Variants in LRRC7 observed in about 807,000 individuals in gnomAD.
LRRC7 encodes leucine rich repeat containing 7, also known as leucine-rich repeat-containing protein 7.
A neutral mutation model predicts 175.7 loss-of-function variants in LRRC7; 23 were observed. The ratio of observed to expected loss-of-function variants is 0.13; its 90% CI spans 0.09 to 0.19. The LOEUF is 0.19. Ranked by LOEUF, LRRC7 falls within the 10% of genes least tolerant of loss-of-function variation. The pLI is 1.00. For synonymous variants in LRRC7, 685 were observed against 680.9 expected (o/e 1.01, Z -0.09); for missense variants, 1,354 against 1,904.7 (o/e 0.71, Z 5.38).
intron 23 of LRRC7, among the ~76,000 whole-genome samples, chr1:70,072,195 T>C (rs574399876): frequency 1.4e-4 from 21 of 152,308 alleles, no homozygotes; most frequent in African/African-American, 3.8e-4. Context: ...CAAACAAATG[T>C]CAAATTTTCT....
intron 2 of LRRC7, among the ~76,000 whole-genome samples, chr1:69,717,968 AG>A (rs1665792990): frequency 9.0e-6 from 1 of 111,014 alleles, no homozygotes; most frequent in Non-Finnish European, 1.9e-5. Context: ...AGAAAAAGAA[AG>A]AAAGAGAAAG....
intron 1 of LRRC7, among the ~76,000 whole-genome samples, chr1:69,622,585 C>T (rs548203595): frequency 1.1e-4 from 17 of 152,094 alleles, no homozygotes; most frequent in East Asian, 1.9e-4. Flanking sequence ...CTGGCTCTTG[C>T]GAAAACACAA....
At chr1:69,784,773 T>G (rs1046115657) in intron 3 of LRRC7, among the ~76,000 whole-genome samples, 1 of 152,228 alleles carries the variant, frequency 6.6e-6, no homozygotes, top group African/African-American at 2.4e-5. Flanking sequence ...TTTTATTATT[T>G]AATTGTTTTG....
intron 1 of LRRC7, among the ~76,000 whole-genome samples, chr1:69,596,205 T>C (rs1306854695): frequency 6.6e-6 from 1 of 152,114 alleles, no homozygotes; most frequent in Non-Finnish European, 1.5e-5. Flanking sequence ...TCTCCTTTGC[T>C]CTTTGCAGCA....
At position 69,604,091 on chromosome 1, in the gene LRRC7, C is replaced by T. The variant is rs1179159096; in HGVS notation, c.2+35450C>T. ...TTTTAAGATTTTGTTTCCTTTTCTT[C>T]GGACCTGGGGAAATGATTTGTATGC... On this transcript the variant is annotated intron_variant, in intron 1 of 26. Coordinates refer to ENST00000651989, the MANE Select transcript of LRRC7 (RefSeq NM_001370785.2). Among the ~76,000 whole-genome samples the T allele has an allele frequency of 3.9e-5, 6 of 152,062 alleles. No individual in the cohort carries two copies. In the East Asian group the frequency reaches 7.7e-4, roughly 20 times the overall value.
intron 7 of LRRC7, among the ~76,000 whole-genome samples, chr1:69,891,956 G>A (rs1645847874): frequency 7.0e-6 from 1 of 142,936 alleles, no homozygotes; most frequent in African/African-American, 2.5e-5. Context: ...AATGACACGT[G>A]CCTGTATTCT....
chr1:69,663,717 T>G (rs1657842453), intron 1 of LRRC7, among the ~76,000 whole-genome samples: 1 of 128,352 alleles, frequency 7.8e-6, no homozygotes, highest in Non-Finnish European at 1.6e-5. Flanking sequence ...TTTTTTTTTT[T>G]TTTTTTTTTT....
At chr1:69,944,679 G>T (rs1054723512) in intron 8 of LRRC7, among the ~76,000 whole-genome samples, 10 of 149,906 alleles carry the variant, frequency 6.7e-5, no homozygotes, top group East Asian at 3.9e-4. Context: ...TATTATTTTG[G>T]TTTTTTTTTC....
At chr1:69,955,084 C>G (rs1359510448) in intron 8 of LRRC7, among the ~76,000 whole-genome samples, 1 of 152,054 alleles carries the variant, frequency 6.6e-6, no homozygotes, top group Non-Finnish European at 1.5e-5. Context: ...TTGCTTTGTT[C>G]TCTGTTATAT....
At chr1:69,781,681 A>G (rs565264950) in intron 3 of LRRC7, among the ~76,000 whole-genome samples, 28 of 100,388 alleles carry the variant, frequency 2.8e-4, no homozygotes, top group African/African-American at 1.0e-3. Context: ...GACTGTCTCA[A>G]AAAAAAGAAG....
intron 25 of LRRC7, among the ~76,000 whole-genome samples, chr1:70,096,733 T>C (rs771191512): frequency 2.6e-5 from 4 of 152,062 alleles, no homozygotes; most frequent in Non-Finnish European, 5.9e-5. Context: ...ACCCATGATA[T>C]GTTCGAGTTT....
chr1:69,730,748 T>G (rs1667480956), intron 2 of LRRC7, among the ~76,000 whole-genome samples: 1 of 152,170 alleles, frequency 6.6e-6, no homozygotes, highest in African/African-American at 2.4e-5. Flanking sequence ...CAAAGTAGCT[T>G]CCACATTTTC....
chr1:70,021,104 A>T lies in LRRC7; in HGVS notation c.1520A>T (p.Asp507Val). 1 of 1,612,326 alleles carries T rather than the reference A, an allele frequency of 6.2e-7. No homozygotes were observed. Among genetic ancestry groups the T allele is most frequent in the South Asian group, 1.1e-5 (1 of 90,966 alleles). The part of the protein sequence containing the change: ...VAFEFEDKKE[D>V]DENAGKVKDL... ...TTTGAATTTGAAGACAAAAAAGAAG[A>T]TGACGAAAATGCTGGGAAAGTTAAG... Residue 507 changes from aspartate (D) to valine (V), a missense_variant, in exon 16 of 27, where the codon GAT (aspartate) becomes GTT (valine). Physicochemically the swap from Asp to Val is radical, Grantham distance 152. Around this residue, in one of 4 missense-constraint regions of LRRC7, gnomAD observed 1,032 missense variants for 1,227.2 expected, o/e 0.84. Coordinates refer to ENST00000651989, the MANE Select transcript of LRRC7 (RefSeq NM_001370785.2).
intron 1 of LRRC7, among the ~76,000 whole-genome samples, chr1:69,650,704 T>C (rs889202982): frequency 7.5e-6 from 1 of 133,270 alleles, no homozygotes; most frequent in Non-Finnish European, 1.6e-5. Context: ...TTAGTGTTTT[T>C]AGCCATAGCT....
intron 7 of LRRC7, among the ~76,000 whole-genome samples, chr1:69,914,807 A>C (rs75697280): frequency 1.3e-5 from 2 of 152,182 alleles, no homozygotes; most frequent in East Asian, 3.9e-4. Flanking sequence ...ATTTGTTAAC[A>C]TATCGTGTAA....
intron 1 of LRRC7, among the ~76,000 whole-genome samples, chr1:69,639,650 T>G (rs1653909819): frequency 6.6e-6 from 1 of 151,748 alleles, no homozygotes; most frequent in African/African-American, 2.4e-5. Context: ...AGGAGTTAGA[T>G]CAAATATCCA....
intron 1 of LRRC7, among the ~76,000 whole-genome samples, chr1:69,618,657 G>C (rs1024679332): frequency 6.6e-6 from 1 of 152,062 alleles, no homozygotes; most frequent in Non-Finnish European, 1.5e-5. Flanking sequence ...TATCATTTCT[G>C]CTAATGAAAC....
Position 69,974,483 on chromosome 1 carries a change from A to T in LRRC7, c.712-5896A>T, listed in dbSNP as rs77787937. On this transcript the variant is annotated intron_variant, in intron 8 of 26. Coordinates refer to ENST00000651989, the MANE Select transcript of LRRC7 (RefSeq NM_001370785.2). Reference sequence around the variant, plus strand: ...GTGCTCATCTTATAGCACTTTCACTAGCATTGAATATTCCAAGTTATTCTG... The same window carrying T: ...GTGCTCATCTTATAGCACTTTCACTTGCATTGAATATTCCAAGTTATTCTG... Among the ~76,000 whole-genome samples the T allele has an allele frequency of 2.1e-3, 326 of 152,358 alleles. 3 individuals are homozygous for T. The highest frequency in any genetic ancestry group is 2.9e-3 in the Non-Finnish European group (195 of 68,020).
At position 70,134,625 on chromosome 1, in the gene LRRC7, C is replaced by CA. The variant is rs902559708; in HGVS notation, c.*12746dup. Among the ~76,000 whole-genome samples, 13 of 151,626 alleles carry CA rather than the reference C, an allele frequency of 8.6e-5. No individual in the cohort carries two copies. The highest frequency in any genetic ancestry group is 4.2e-4 in the South Asian group (2 of 4,780). ...ATTTATATCCTCTGGTGTTTTCCTC[C>CA]AAAAAAAACAATTTCCTTCTAGCCA... On this transcript the variant is annotated 3_prime_UTR_variant, in exon 27 of 27. Coordinates refer to ENST00000651989, the MANE Select transcript of LRRC7 (RefSeq NM_001370785.2).
Sources: gnomAD v4.1 joint callset for allele counts (sites outside exome capture counted in the v4.1 genomes callset) on GRCh38, gnomAD v4.1.1 for gene constraint, gnomAD v4.1.1 regional missense constraint, MANE v1.5 for transcripts, NCBI Gene and HGNC (gene_info 2026-07-23, HGNC 2026-07-21) for gene names.